Variants in NFATC3 observed in about 807,000 individuals in gnomAD.
The protein encoded by NFATC3 is nuclear factor of activated T cells 3, also known as nuclear factor of activated T-cells, cytoplasmic 3.
Under a neutral mutation model 98.6 loss-of-function variants are expected in NFATC3, and 46 were observed. The ratio of observed to expected loss-of-function variants is 0.47; its 90% confidence interval spans 0.37 to 0.60. NFATC3 has a LOEUF of 0.60. Ranked by LOEUF, NFATC3 falls within the 20% of genes least tolerant of loss-of-function variation. The probability of loss-of-function intolerance (pLI) is 0.00; values close to 1 mark genes in which losing one functional copy is unlikely to be tolerated. For synonymous variants in NFATC3, 512 were observed against 472.2 expected, an observed-to-expected ratio of 1.08 and a Z score of -1.09; for missense variants, 1,256 against 1,295.5, an observed-to-expected ratio of 0.97 and a Z score of 0.47.
intron 2 of NFATC3, among the ~76,000 whole-genome samples, chr16:68,123,982 C>T (rs1243105910): frequency 2.0e-5 from 3 of 151,356 alleles, no homozygotes; most frequent in Non-Finnish European, 2.9e-5. Context: ...ACCCTGTCTG[C>T]ACCACCCCCC....
chr16:68,190,473 C>T (rs1483354954), intron 8 of NFATC3, among the ~76,000 whole-genome samples: 1 of 152,190 alleles, frequency 6.6e-6, no homozygotes, highest in Non-Finnish European at 1.5e-5. Context: ...AAGTAAACTT[C>T]CTAATTCTGT....
chr16:68,190,746 G>T (rs764216635), intron 8 of NFATC3, 22 bp from the exon 9 acceptor site: 2 of 1,575,900 alleles, frequency 1.3e-6, no homozygotes, highest in Admixed American at 1.8e-5. Flanking sequence ...AATAATATTT[G>T]CTTTAATCAT....
intron 1 of NFATC3, among the ~76,000 whole-genome samples, chr16:68,094,133 C>T (rs1384592675): frequency 6.6e-6 from 1 of 152,096 alleles, no homozygotes; most frequent in Non-Finnish European, 1.5e-5. Flanking sequence ...TTTCTCTTTG[C>T]TGCTTTGTGG....
At position 68,115,877 on chromosome 16, in the gene NFATC3, A is replaced by G. The variant is rs373061800; in HGVS notation, c.104-6110A>G. ...TTTGATAACAGTATAACCACACTCC[A>G]CTGTGCTTTAAAAGGGCAACATTCA... On this transcript the variant is annotated intron_variant, in intron 1 of 9. Transcript: ENST00000346183. Among the ~76,000 whole-genome samples, 16 of 152,312 alleles carry G rather than the reference A, an allele frequency of 1.1e-4. No homozygotes were observed. In the South Asian group the frequency reaches 1.2e-3, roughly 12 times the overall value.
At chr16:68,167,294 G>C (rs963220013) in intron 5 of NFATC3, among the ~76,000 whole-genome samples, 1 of 152,122 alleles carries the variant, frequency 6.6e-6, no homozygotes, top group African/African-American at 2.4e-5. Flanking sequence ...TGAGAATGGG[G>C]GGCCTGATGC....
chr16:68,086,903 C>A, intron 1 of NFATC3: 1 of 586,838 alleles, frequency 1.7e-6, no homozygotes, highest in Non-Finnish European at 2.1e-6. Context: ...TTTTCAATTC[C>A]ATTAACATAA....
chr16:68,133,438 AAG>A (rs2037220053), intron 3 of NFATC3, among the ~76,000 whole-genome samples: 1 of 152,178 alleles, frequency 6.6e-6, no homozygotes, highest in African/African-American at 2.4e-5. Flanking sequence ...GTCAACTAAA[AAG>A]AGGAACAAAT....
At chr16:68,100,728 A>G (rs947694630) in intron 1 of NFATC3, among the ~76,000 whole-genome samples, 1 of 151,344 alleles carries the variant, frequency 6.6e-6, no homozygotes, top group Non-Finnish European at 1.5e-5. Flanking sequence ...GTGTGTAGTG[A>G]TACCTCATTG....
At chr16:68,094,596 CTT>C (rs1298038648) in intron 1 of NFATC3, among the ~76,000 whole-genome samples, 3 of 152,116 alleles carry the variant, frequency 2.0e-5, no homozygotes, top group African/African-American at 4.8e-5. Context: ...TTCTCTCTCT[CTT>C]GTACATACCC....
chr16:68,113,660 T>G (rs980014946), intron 1 of NFATC3, among the ~76,000 whole-genome samples: 3 of 152,204 alleles, frequency 2.0e-5, no homozygotes, highest in Non-Finnish European at 4.4e-5. Flanking sequence ...TCATCTGGAC[T>G]GCCAACAGGC....
intron 4 of NFATC3, among the ~76,000 whole-genome samples, chr16:68,161,285 A>G (rs1420381969): frequency 2.0e-5 from 3 of 152,202 alleles, no homozygotes; most frequent in African/African-American, 7.2e-5. Flanking sequence ...AAACTCAGGA[A>G]ATTGATCCCT....
intron 8 of NFATC3, among the ~76,000 whole-genome samples, chr16:68,184,295 A>T (rs1156850767): frequency 6.6e-6 from 1 of 152,120 alleles, no homozygotes; most frequent in Non-Finnish European, 1.5e-5. Flanking sequence ...TGGGCCTTAG[A>T]GGGGAGAAGG....
At chr16:68,172,126 C>G (rs1003555037) in intron 5 of NFATC3, among the ~76,000 whole-genome samples, 1 of 152,172 alleles carries the variant, frequency 6.6e-6, no homozygotes, top group African/African-American at 2.4e-5. Context: ...AGCCACCGCG[C>G]CTGGCCCACG....
At chr16:68,099,295 T>A (rs1203953806) in intron 1 of NFATC3, among the ~76,000 whole-genome samples, 2 of 151,788 alleles carry the variant, frequency 1.3e-5, no homozygotes, top group African/African-American at 4.8e-5. Flanking sequence ...ATTAGCCGGC[T>A]GTGGTGATGG....
intron 3 of NFATC3, chr16:68,138,841 G>C (rs1424390919): frequency 8.5e-7 from 1 of 1,176,930 alleles, no homozygotes; most frequent in Admixed American, 3.4e-5. Flanking sequence ...ATAAATCATG[G>C]CTAAGTCACT....
At chr16:68,221,370 C>T in intron 9 of NFATC3, 2 of 1,564,324 alleles carry the variant, frequency 1.3e-6, no homozygotes, top group Admixed American at 1.9e-5. Context: ...ACACTCGGCT[C>T]AAGTTATTGC....
At position 68,227,090 on chromosome 16, in the gene NFATC3, GAA is replaced by G. The variant is rs1011594905; in HGVS notation, c.*620_*621del. 5.3e-5 allele frequency: 8 copies of G among 152,128 alleles called. No individual in the cohort carries two copies. The highest frequency in any genetic ancestry group is 1.9e-4 in the African/African-American group (8 of 41,410). The allele number at this position is 152,128 out of a possible 1,614,324, so 9.4% of individuals were successfully genotyped here. ...ACTAAACTGTTGTTAGATAAAATGA[GAA>G]GAGACCATTCCATCATTGAAGTGTT... On this transcript the variant is annotated 3_prime_UTR_variant, in exon 10 of 10. Coordinates refer to ENST00000346183, the MANE Select transcript of NFATC3 (RefSeq NM_173165.3).
intron 3 of NFATC3, among the ~76,000 whole-genome samples, chr16:68,131,163 GT>G (rs1169842712): frequency 1.3e-5 from 2 of 152,038 alleles, no homozygotes; most frequent in Non-Finnish European, 2.9e-5. Context: ...TTTTAAGATT[GT>G]TTTTTCTATT....
At chr16:68,195,220 A>G (rs117999269) in intron 9 of NFATC3, among the ~76,000 whole-genome samples, 9,674 of 152,044 alleles carry the variant, frequency 0.064, 413 homozygotes, top group Non-Finnish European at 0.099. Context: ...GCGCCATTGT[A>G]CTCCAGCTTG....
Sources: gnomAD v4.1 joint callset for allele counts (sites outside exome capture counted in the v4.1 genomes callset) on GRCh38, gnomAD v4.1.1 for gene constraint, MANE v1.5 for transcripts, NCBI Gene and HGNC (gene_info 2026-07-23, HGNC 2026-07-21) for gene names.